Variants in SPACA7 observed in about 807,000 individuals in gnomAD.
The protein encoded by SPACA7 is sperm acrosome associated 7, also known as sperm acrosome-associated protein 7.
A neutral mutation model predicts 26.3 loss-of-function variants in SPACA7; 19 were observed. The observed-to-expected ratio is 0.72, with a 90% confidence interval of 0.50 to 1.06. The LOEUF (loss-of-function observed/expected upper bound fraction) is 1.06, where lower values mean the gene tolerates loss of function less well. Among genes scored for constraint, SPACA7 ranks in the 50% least tolerant of loss-of-function variants. The pLI is 0.00. For synonymous variants in SPACA7, 84 were observed against 84.5 expected (o/e 0.99, Z 0.04); for missense variants, 211 against 229.9 (o/e 0.92, Z 0.53).
At chr13:112,384,208 G>C (rs920714889) in intron 1 of SPACA7, among the ~76,000 whole-genome samples, 2 of 151,940 alleles carry the variant, frequency 1.3e-5, no homozygotes, top group African/African-American at 4.8e-5. Flanking sequence ...TTTTGAAAAG[G>C]ACTAAAGCAA....
intron 6 of SPACA7, among the ~76,000 whole-genome samples, 162 bp from the exon 7 acceptor site, chr13:112,434,323 C>G (rs567608088): frequency 1.6e-4 from 24 of 152,306 alleles, no homozygotes; most frequent in Admixed American, 1.4e-3. Context: ...CCAGTGCCCC[C>G]CTCCCGGTCC....
chr13:112,377,908 C>T (rs1278571748), intron 1 of SPACA7, among the ~76,000 whole-genome samples: 1 of 152,194 alleles, frequency 6.6e-6, no homozygotes, highest in African/African-American at 2.4e-5. Flanking sequence ...TAGTTGGAAA[C>T]ACAGTTTCCG....
chr13:112,380,068 C>T (rs1883944815), intron 1 of SPACA7, among the ~76,000 whole-genome samples: 1 of 152,096 alleles, frequency 6.6e-6, no homozygotes, highest in African/African-American at 2.4e-5. Context: ...TCTTTGTTTC[C>T]TAGTAAGACT....
chr13:112,406,925 C>T (rs1447336958), intron 5 of SPACA7, among the ~76,000 whole-genome samples: 2 of 152,174 alleles, frequency 1.3e-5, no homozygotes, highest in African/African-American at 4.8e-5. Flanking sequence ...TTCTTCTCAG[C>T]ACCACATCAC....
At chr13:112,386,980 G>GA (rs1369263688) in intron 1 of SPACA7, among the ~76,000 whole-genome samples, 3 of 152,082 alleles carry the variant, frequency 2.0e-5, no homozygotes, top group Admixed American at 6.6e-5. Flanking sequence ...ATCTATGAGG[G>GA]AAAAAACCTC....
At chr13:112,376,552 G>T (rs1403420950) in intron 1 of SPACA7, 73 bp downstream of exon 1, 2 of 1,500,944 alleles carry the variant, frequency 1.3e-6, no homozygotes, top group Non-Finnish European at 1.8e-6. Flanking sequence ...CTTCTCCCAT[G>T]GGTTCCTCTT....
chr13:112,401,628 A>G (rs1050286409), intron 5 of SPACA7, among the ~76,000 whole-genome samples: 18 of 152,174 alleles, frequency 1.2e-4, no homozygotes, highest in Non-Finnish European at 1.5e-5. Flanking sequence ...TCAATCTCTG[A>G]CTGCCTTTAG....
At chr13:112,410,627 C>T (rs1486866288) in intron 5 of SPACA7, among the ~76,000 whole-genome samples, 3 of 151,774 alleles carry the variant, frequency 2.0e-5, no homozygotes, top group Non-Finnish European at 4.4e-5. Flanking sequence ...CTGAGTAGTC[C>T]AATTCAGACT....
intron 2 of SPACA7, among the ~76,000 whole-genome samples, chr13:112,393,981 T>C (rs1224276255): frequency 1.9e-4 from 18 of 95,268 alleles, no homozygotes; most frequent in Admixed American, 1.8e-3. Context: ...CGAGACTCTG[T>C]CTCAAAAAAA....
chr13:112,410,413 G>T (rs1231027827), intron 5 of SPACA7, among the ~76,000 whole-genome samples: 4 of 151,942 alleles, frequency 2.6e-5, no homozygotes, highest in Non-Finnish European at 5.9e-5. Context: ...TATAAAAGTT[G>T]TTTGTTGTTG....
chr13:112,376,366 C>T lies in SPACA7; in HGVS notation c.-20C>T. 6.2e-7 allele frequency: 1 copy of T among 1,610,090 alleles called. No homozygotes were observed. The highest frequency in any genetic ancestry group is 8.5e-7 in the Non-Finnish European group (1 of 1,178,244). Reference sequence around the variant, plus strand: ...AACTGTCAACCTTCAGAACGTCCTTCTCCCTCAGCTGGAGGGAGCATGGCA... The same window carrying T: ...AACTGTCAACCTTCAGAACGTCCTTTTCCCTCAGCTGGAGGGAGCATGGCA... On this transcript the variant is annotated 5_prime_UTR_variant, in exon 1 of 7. Coordinates refer to ENST00000283550, the MANE Select transcript of SPACA7 (RefSeq NM_145248.5).
intron 5 of SPACA7, among the ~76,000 whole-genome samples, chr13:112,415,695 A>G (rs1886647356): frequency 1.3e-5 from 2 of 152,162 alleles, no homozygotes; most frequent in Admixed American, 1.3e-4. Context: ...TTGCATCCCA[A>G]GCCTTCTGCC....
chr13:112,396,931 C>T (rs910766032), intron 2 of SPACA7, among the ~76,000 whole-genome samples: 1 of 152,166 alleles, frequency 6.6e-6, no homozygotes, highest in Non-Finnish European at 1.5e-5. Flanking sequence ...CAGGCCTGGA[C>T]ACTGGTTCCC....
chr13:112,432,632 A>C (rs1877273611), intron 6 of SPACA7, 111 bp downstream of exon 6: 1 of 769,768 alleles, frequency 1.3e-6, no homozygotes, highest in Non-Finnish European at 2.2e-6. Context: ...CCCAGCCCCC[A>C]GGTGGACCTA....
At chr13:112,419,558 G>A (rs989882499) in intron 5 of SPACA7, among the ~76,000 whole-genome samples, 4 of 152,178 alleles carry the variant, frequency 2.6e-5, no homozygotes, top group African/African-American at 7.2e-5. Context: ...TGACTTCTGG[G>A]GATAGGAGTA....
intron 1 of SPACA7, chr13:112,378,738 T>C (rs1883855496): frequency 2.1e-6 from 1 of 471,062 alleles, no homozygotes; most frequent in African/African-American, 2.0e-5. Context: ...GCAGGTCAGT[T>C]TCTCCAGCTC....
At chr13:112,395,477 G>A (rs1885182585) in intron 2 of SPACA7, among the ~76,000 whole-genome samples, 1 of 151,750 alleles carries the variant, frequency 6.6e-6, no homozygotes, top group African/African-American at 2.4e-5. Context: ...TCTGTTTTTT[G>A]TTTTTTTTGA....
chr13:112,393,770 G>A (rs1412505083), intron 2 of SPACA7, among the ~76,000 whole-genome samples: 13 of 152,106 alleles, frequency 8.5e-5, no homozygotes, highest in South Asian at 2.1e-4. Context: ...GGCAGATCAC[G>A]AGGTCAAGAG....
chr13:112,393,718 G>A (rs1885049114), intron 2 of SPACA7, among the ~76,000 whole-genome samples: 1 of 152,252 alleles, frequency 6.6e-6, no homozygotes, highest in Non-Finnish European at 1.5e-5. Context: ...GCTTTTCATT[G>A]TCTAGTGGCC....
Sources: allele counts gnomAD v4.1 joint callset (sites outside exome capture counted in the v4.1 genomes callset), GRCh38; gene constraint gnomAD v4.1.1; transcripts MANE v1.5; gene names NCBI Gene and HGNC (gene_info 2026-07-23, HGNC 2026-07-21).